KPNA1: variants seen among roughly 807,000 people sequenced by gnomAD.
KPNA1 encodes the protein importin subunit alpha-5.
KPNA1 carries 10 observed loss-of-function variants against 70.5 expected under a neutral mutation model. The ratio of observed to expected loss-of-function variants is 0.14; its 90% CI spans 0.09 to 0.24. The LOEUF (loss-of-function observed/expected upper bound fraction) is 0.24. Ranked by LOEUF, KPNA1 falls within the 10% of genes least tolerant of loss-of-function variation. KPNA1 has a pLI of 1.00. For missense variants in KPNA1, 397 were observed against 637.9 expected (o/e 0.62, Z 4.07); for synonymous variants, 192 against 221.9 (o/e 0.87, Z 1.20).
At chr3:122,505,105 A>G (rs762523642) in intron 1 of KPNA1, among the ~76,000 whole-genome samples, 6 of 151,904 alleles carry the variant, frequency 3.9e-5, no homozygotes, top group Non-Finnish European at 7.4e-5. Flanking sequence ...GGAGTTCGAG[A>G]CCAGCCTGGC....
chr3:122,436,144 G>C (rs1369913359), intron 11 of KPNA1, among the ~76,000 whole-genome samples: 2 of 152,168 alleles, frequency 1.3e-5, no homozygotes, highest in Non-Finnish European at 1.5e-5. Flanking sequence ...TTGTGGATAA[G>C]GGATGAAATA....
At position 122,426,706 on chromosome 3, in the gene KPNA1, T is replaced by A. The variant is rs1352741065; in HGVS notation, c.*279A>T. 3.1e-6 allele frequency: 1 copy of A among 319,432 alleles called. No individual in the cohort carries two copies. Among genetic ancestry groups the A allele is most frequent in the Non-Finnish European group, 5.7e-6 (1 of 174,904 alleles). 19.8% of individuals were successfully genotyped at this position (319,432 alleles called of 1,614,324 possible). On this transcript the variant is annotated 3_prime_UTR_variant, in exon 14 of 14. Coordinates refer to ENST00000344337, the MANE Select transcript of KPNA1 (RefSeq NM_002264.4). Reference sequence around the variant, plus strand: ...CCACATTAATATGTGTATATTCCCATAACTCTAATGTAAGTGCGGATCTCC... The same window carrying A: ...CCACATTAATATGTGTATATTCCCAAAACTCTAATGTAAGTGCGGATCTCC...
chr3:122,489,162 A>T (rs2076667245), intron 2 of KPNA1, among the ~76,000 whole-genome samples: 2 of 151,596 alleles, frequency 1.3e-5, no homozygotes, highest in Admixed American at 6.6e-5. Flanking sequence ...AGAGTTCACT[A>T]ATCTTTTCTT....
chr3:122,440,702 T>C (rs1293027117), intron 10 of KPNA1, among the ~76,000 whole-genome samples: 2 of 152,222 alleles, frequency 1.3e-5, no homozygotes, highest in Admixed American at 1.3e-4. Context: ...TCTTCTCCTA[T>C]TCTCTTCTGA....
At chr3:122,490,748 C>T (rs576609380) in intron 2 of KPNA1, among the ~76,000 whole-genome samples, 2 of 152,260 alleles carry the variant, frequency 1.3e-5, no homozygotes, top group South Asian at 4.1e-4. Flanking sequence ...TATTTCTAGG[C>T]CTTCTCAGGA....
intron 2 of KPNA1, among the ~76,000 whole-genome samples, chr3:122,488,726 A>G (rs1560049807): frequency 6.6e-6 from 1 of 152,190 alleles, no homozygotes. Flanking sequence ...TATTGTTTAC[A>G]ACGAGAACTG....
At chr3:122,514,638 G>A (rs1178704570) in intron 1 of KPNA1, 119 bp downstream of exon 1, 2 of 151,834 alleles carry the variant, frequency 1.3e-5, no homozygotes, top group African/African-American at 4.8e-5. Flanking sequence ...CAGGAACCCC[G>A]GCTCTAGGCC....
chr3:122,488,789 C>A (rs2076659967), intron 2 of KPNA1, among the ~76,000 whole-genome samples: 1 of 152,056 alleles, frequency 6.6e-6, no homozygotes, highest in African/African-American at 2.4e-5. Flanking sequence ...TTACTCTGGG[C>A]GTTTTTAAGA....
At chr3:122,478,894 CAAAAAAAAAAAAAA>C (rs57843662) in intron 2 of KPNA1, among the ~76,000 whole-genome samples, 3 of 18,684 alleles carry the variant, frequency 1.6e-4, no homozygotes, top group African/African-American at 2.7e-4. Context: ...AACCTCGTCT[CAAAAAAAAAAAAAA>C]AAAAAAAAAA....
intron 12 of KPNA1, among the ~76,000 whole-genome samples, chr3:122,432,045 A>G (rs7624381): frequency 0.61 from 92,158 of 151,958 alleles, 28,264 homozygotes; most frequent in East Asian, 0.77. Context: ...CTTGTGATCC[A>G]CCTGCCTTGG....
In KPNA1 at chr3:122,474,588, T is replaced by G. The variant is rs544456873; in HGVS notation, c.130-7159A>C. Among the ~76,000 whole-genome samples, 13 of 152,252 alleles carry G rather than the reference T, an allele frequency of 8.5e-5. No homozygotes were observed. In the South Asian group the frequency reaches 2.7e-3, roughly 32 times the overall value. ...AAAATACAATGGTGCAAAGGTAGTCTTTTCAATAAACGGTGCTGGAGTTCA... is the reference window on the plus strand; with the variant it reads ...AAAATACAATGGTGCAAAGGTAGTCGTTTCAATAAACGGTGCTGGAGTTCA... On this transcript the variant is annotated intron_variant, in intron 2 of 13. Transcript: ENST00000344337.
Position 122,426,095 on chromosome 3 carries a change from G to A in KPNA1, c.*890C>T, listed in dbSNP as rs1261693563. 6.6e-6 allele frequency: 1 copy of A among 152,204 alleles called. No homozygotes were observed. Among genetic ancestry groups the A allele is most frequent in the African/African-American group, 2.4e-5 (1 of 41,422 alleles). The allele number at this position is 152,204 out of a possible 1,614,324, so 9.4% of individuals were successfully genotyped here. ...ACTGATTGCATTTGGGAAAATTGGA[G>A]GGTTTTTTCGTCCTTAGTTTTTTTT... On this transcript the variant is annotated 3_prime_UTR_variant, in exon 14 of 14. Transcript: ENST00000344337.
At chr3:122,488,236 C>T (rs192156943) in intron 2 of KPNA1, among the ~76,000 whole-genome samples, 15 of 152,102 alleles carry the variant, frequency 9.9e-5, no homozygotes, top group Admixed American at 2.0e-4. Context: ...AATCTTTATC[C>T]GGGACTGGGC....
intron 1 of KPNA1, among the ~76,000 whole-genome samples, chr3:122,510,934 A>G (rs1351834837): frequency 6.6e-6 from 1 of 152,158 alleles, no homozygotes; most frequent in African/African-American, 2.4e-5. Flanking sequence ...CATGGTGTTA[A>G]ACTACATCTA....
rs2076238618 is a variant in KPNA1 at position 122,453,818 on chromosome 3, C to T, written c.564+52G>A. ...ATGTTGGGATTACAGGAGTGAGCGA[C>T]ATGCCCAGCCAAAAACTTTCTTTCA... is the stretch of plus-strand genomic sequence containing the variant. On this transcript the variant is annotated intron_variant, in intron 6 of 13. Coordinates refer to ENST00000344337, the MANE Select transcript of KPNA1 (RefSeq NM_002264.4). The T allele has an allele frequency of 1.9e-6, 3 of 1,560,062 alleles. No homozygotes were observed. The African/African-American group carries it at 4.1e-5, about 21-fold the overall frequency.
At chr3:122,463,850 C>T (rs2076352221) in intron 4 of KPNA1, 92 bp downstream of exon 4, 2 of 549,414 alleles carry the variant, frequency 3.6e-6, no homozygotes, top group Non-Finnish European at 3.2e-6. Context: ...AAAAATACTC[C>T]AACACAAATT....
At chr3:122,463,089 C>G (rs543064766) in intron 4 of KPNA1, among the ~76,000 whole-genome samples, 2 of 151,914 alleles carry the variant, frequency 1.3e-5, no homozygotes. Flanking sequence ...CAGTGGCTCA[C>G]GCCTGTAATC....
chr3:122,492,313 T>C (rs557082125), intron 2 of KPNA1, among the ~76,000 whole-genome samples: 4 of 152,314 alleles, frequency 2.6e-5, no homozygotes, highest in Non-Finnish European at 5.9e-5. Context: ...TGAGAAGATC[T>C]TGGTTCTACT....
intron 6 of KPNA1, 101 bp downstream of exon 6, chr3:122,453,769 A>G (rs2076237873): frequency 5.3e-6 from 6 of 1,126,046 alleles, no homozygotes; most frequent in Non-Finnish European, 7.5e-6. Context: ...ACTCCTCGTG[A>G]TCCACCCACC....
Sources: allele counts gnomAD v4.1 joint callset (sites outside exome capture counted in the v4.1 genomes callset), GRCh38; gene constraint gnomAD v4.1.1; transcripts MANE v1.5; gene names NCBI Gene and HGNC (gene_info 2026-07-23, HGNC 2026-07-21).